TCF20: variants seen among roughly 807,000 people sequenced by gnomAD.
TCF20 encodes the protein transcription factor 20.
A neutral mutation model predicts 148.6 loss-of-function variants in TCF20; 3 were observed. The observed-to-expected ratio is 0.02, with a 90% CI of 0.01 to 0.05. TCF20 has a LOEUF of 0.05. Among genes scored for constraint, TCF20 ranks in the 10% least tolerant of loss-of-function variants. The probability of loss-of-function intolerance (pLI) is 1.00; values close to 1 mark genes in which losing one functional copy is unlikely to be tolerated. For synonymous variants in TCF20, 1,049 were observed against 909.5 expected (o/e 1.15, Z -2.76); for missense variants, 2,350 against 2,429.3 (o/e 0.97, Z 0.69).
intron 5 of TCF20, 60 bp downstream of exon 5, chr22:42,168,549 A>C: frequency 1.8e-5 from 28 of 1,531,806 alleles, no homozygotes; most frequent in Non-Finnish European, 2.3e-5. Flanking sequence ...AGGAGGGCAG[A>C]GGCAACGACG....
At chr22:42,254,998 T>C (rs1925650150) in intron 1 of TCF20, among the ~76,000 whole-genome samples, 1 of 137,424 alleles carries the variant, frequency 7.3e-6, no homozygotes, top group African/African-American at 2.9e-5. Flanking sequence ...AAAAACATGA[T>C]TAGAGGTGAG....
intron 2 of TCF20, among the ~76,000 whole-genome samples, chr22:42,181,817 G>A (rs1045164783): frequency 1.3e-5 from 2 of 152,024 alleles, no homozygotes; most frequent in African/African-American, 4.8e-5. Flanking sequence ...TCACTATGTT[G>A]CCCAGGCTGT....
chr22:42,200,851 A>C (rs1169380359), intron 2 of TCF20, among the ~76,000 whole-genome samples: 2 of 152,160 alleles, frequency 1.3e-5, no homozygotes, highest in African/African-American at 4.8e-5. Flanking sequence ...AAACCTGTAC[A>C]TGTGACTTAC....
chr22:42,168,099 G>A (rs535568102), intron 5 of TCF20, among the ~76,000 whole-genome samples: 16 of 151,888 alleles, frequency 1.1e-4, no homozygotes, highest in African/African-American at 3.1e-4. Context: ...TCTTTCCTTT[G>A]TACTTCTGCA....
intron 1 of TCF20, among the ~76,000 whole-genome samples, chr22:42,265,835 C>T (rs1211876127): frequency 2.0e-5 from 3 of 152,142 alleles, no homozygotes; most frequent in Admixed American, 6.5e-5. Flanking sequence ...TAGCCCTTTA[C>T]GTATTATGTT....
At chr22:42,270,284 C>T (rs1448146306) in intron 1 of TCF20, among the ~76,000 whole-genome samples, 55 bp downstream of exon 1, 1 of 151,988 alleles carries the variant, frequency 6.6e-6, no homozygotes, top group African/African-American at 2.4e-5. Context: ...CCGGCCCGGC[C>T]CCAGTCCTTC....
chr22:42,210,794 G>A lies in TCF20; in HGVS notation c.4512C>T (p.Ala1504=). Residue 1504 remains alanine, a synonymous_variant, in exon 2 of 6, where the codon GCC becomes GCT. Transcript: ENST00000677622. This position sits in a 1 kb window ranked among gnomAD's most constrained non-coding sequence, Gnocchi z 4.7. ...CTTCAGCCTTGGGGTTTGCCTCAGGGGCCAATATGCCCACTGGAGGTACAT... is the reference window on the plus strand; with the variant it reads ...CTTCAGCCTTGGGGTTTGCCTCAGGAGCCAATATGCCCACTGGAGGTACAT... ...SKNVPPVGIL[A]PEANPKAEEK... 6.2e-7 allele frequency: 1 copy of A among 1,614,174 alleles called. No individual in the cohort carries two copies. The highest frequency in any genetic ancestry group is 8.5e-7 in the Non-Finnish European group (1 of 1,180,040).
At chr22:42,170,511 A>C (rs1015164793) in intron 3 of TCF20, among the ~76,000 whole-genome samples, 32 of 151,174 alleles carry the variant, frequency 2.1e-4, no homozygotes, top group Non-Finnish European at 3.4e-4. Flanking sequence ...AAAAAAAAAA[A>C]AAACTACTTG....
chr22:42,219,379 A>AAAAAAAAAAAAAAAAAAAAAAAAAAC (rs1569159240), intron 1 of TCF20, among the ~76,000 whole-genome samples: 1 of 144,878 alleles, frequency 6.9e-6, no homozygotes, highest in Admixed American at 6.9e-5. Flanking sequence ...AAAAAAAAAA[A>AAAAAAAAAAAAAAAAAAAAAAAAAAC]AAGCTAATAG....
chr22:42,304,074 G>A (rs958476693), intron 1 of TCF20, among the ~76,000 whole-genome samples: 7 of 151,938 alleles, frequency 4.6e-5, no homozygotes, highest in African/African-American at 1.7e-4. Context: ...CAGCCCAAAG[G>A]TAGCGTCCTT....
chr22:42,238,255 G>T (rs1924056025), intron 1 of TCF20, among the ~76,000 whole-genome samples: 1 of 152,196 alleles, frequency 6.6e-6, no homozygotes, highest in South Asian at 2.1e-4. Flanking sequence ...ATCTGTGCTA[G>T]CTTCAAACTT....
chr22:42,181,444 T>G (rs1014561963), intron 2 of TCF20, among the ~76,000 whole-genome samples: 1 of 151,808 alleles, frequency 6.6e-6, no homozygotes, highest in African/African-American at 2.4e-5. Flanking sequence ...GCTGCCACTT[T>G]CTTACTCAAG....
Position 42,317,433 on chromosome 22 carries a change from C to T in TCF20, c.-37+26046G>A, listed in dbSNP as rs1006584411. Among the ~76,000 whole-genome samples, 6 of 152,142 alleles carry T rather than the reference C, an allele frequency of 3.9e-5. No individual in the cohort carries two copies. The highest frequency in any genetic ancestry group is 2.1e-4 in the South Asian group (1 of 4,828). On this transcript the variant is annotated intron_variant, in intron 1 of 1. Coordinates refer to the TCF20 transcript ENST00000515426. The surrounding 1 kb of genome is among the most constrained non-coding windows in gnomAD (Gnocchi z 4.2). ...GGAGCTTCGATTTAAACACAGATGA[C>T]GGAAAATCTCCTTTTCCTCCCACTA...
chr22:42,168,692 C>A lies in TCF20; in HGVS notation c.5844G>T (p.Ala1948=), dbSNP rs370598812. The A allele has an allele frequency of 6.2e-7, 1 of 1,610,746 alleles. No individual in the cohort carries two copies. The highest frequency in any genetic ancestry group is 1.1e-5 in the South Asian group (1 of 90,572). ...CPLPPLQNKT[A]KGSLSTEQSE... ...ACTGCTCTGTGCTGAGGCTGCCTTT[C>A]GCGGTCTTGTTCTGCAAGGGGGGGA... Residue 1948 remains alanine (A), a synonymous_variant, in exon 5 of 6, where the codon GCG becomes GCT. Coordinates refer to ENST00000677622, the MANE Select transcript of TCF20 (RefSeq NM_001378418.1).
At chr22:42,253,339 C>T (rs767838323) in intron 1 of TCF20, among the ~76,000 whole-genome samples, 2 of 151,956 alleles carry the variant, frequency 1.3e-5, no homozygotes, top group Non-Finnish European at 2.9e-5. Flanking sequence ...AATTTCCTAA[C>T]GAATCACTAA....
chr22:42,256,400 C>A lies in TCF20; in HGVS notation c.-37+13939G>T, dbSNP rs1021549176. ...CTCTGATGTGTTTCATTCCCATAGGCTTCATTTGGCCTGTGTCCCTTATCT... is the reference window on the plus strand; with the variant it reads ...CTCTGATGTGTTTCATTCCCATAGGATTCATTTGGCCTGTGTCCCTTATCT... On this transcript the variant is annotated intron_variant, in intron 1 of 5. Transcript: ENST00000677622. 2.6e-5 allele frequency among the ~76,000 whole-genome samples: 4 copies of A among 151,184 alleles called. No individual in the cohort carries two copies. The East Asian group carries it at 7.7e-4, about 29-fold the overall frequency.
At chr22:42,164,013 G>A (rs1935623413) in intron 5 of TCF20, among the ~76,000 whole-genome samples, 2 of 151,996 alleles carry the variant, frequency 1.3e-5, no homozygotes, top group African/African-American at 2.4e-5. Flanking sequence ...CCCAACTGCA[G>A]CAAAAACTCA....
chr22:42,266,470 GTT>G (rs1926293351), intron 1 of TCF20, among the ~76,000 whole-genome samples: 2 of 152,184 alleles, frequency 1.3e-5, no homozygotes, highest in Admixed American at 1.3e-4. Flanking sequence ...ATCTTACAGA[GTT>G]TTAAAAAGTT....
intron 1 of TCF20, among the ~76,000 whole-genome samples, chr22:42,315,806 C>T (rs1264288332): frequency 6.6e-6 from 1 of 152,124 alleles, no homozygotes; most frequent in Non-Finnish European, 1.5e-5. Context: ...GCAGAGGGAA[C>T]AGCAGGAGTA....
Sources: gnomAD v4.1 joint callset for allele counts (sites outside exome capture counted in the v4.1 genomes callset) on GRCh38, gnomAD v4.1.1 for gene constraint, Gnocchi (gnomAD v3.1) non-coding constraint, MANE v1.5 for transcripts, NCBI Gene and HGNC (gene_info 2026-07-23, HGNC 2026-07-21) for gene names.